The following ATP10B variants were observed in gnomAD, a reference collection of about 807,000 sequenced individuals.
ATP10B encodes the protein phospholipid-transporting ATPase VB.
In ATP10B, 122 loss-of-function variants were observed where a neutral mutation model predicts 141.2. The ratio of observed to expected loss-of-function variants is 0.86; its 90% CI spans 0.75 to 1.00. The LOEUF is 1.00. Ranked by LOEUF, ATP10B falls within the 50% of genes least tolerant of loss-of-function variation. The probability of loss-of-function intolerance (pLI) is 0.00; values close to 1 mark genes in which losing one functional copy is unlikely to be tolerated. For missense variants in ATP10B, 1,876 were observed against 1,825.3 expected (o/e 1.03, Z -0.51); for synonymous variants, 685 against 692.0 (o/e 0.99, Z 0.16).
intron 6 of ATP10B, among the ~76,000 whole-genome samples, chr5:160,681,414 C>T: frequency 6.6e-6 from 1 of 152,220 alleles, no homozygotes; most frequent in East Asian, 1.9e-4. Context: ...GCCTAGACTA[C>T]AGGCCTCTGC....
the ATP10B span, among the ~76,000 whole-genome samples, chr5:160,915,734 T>C: frequency 1.3e-5 from 2 of 152,190 alleles, no homozygotes; most frequent in African/African-American, 4.8e-5. Flanking sequence ...TGATGTTCTC[T>C]GGAGCTGTAG....
At position 160,696,804 on chromosome 5, in the gene ATP10B, C is replaced by T. The variant is rs553523238; in HGVS notation, c.-204-7861G>A. Among the ~76,000 whole-genome samples the T allele has an allele frequency of 3.9e-5, 6 of 152,352 alleles. No homozygotes were observed. The East Asian group carries it at 5.8e-4, about 15-fold the overall frequency. The stretch of plus-strand genomic sequence containing the variant: ...TCAGTGAGCCAGATTCCTATCCATG[C>T]ACCCAAGCATTGTAGTAGATCAAGG... On this transcript the variant is annotated intron_variant, in intron 3 of 25. Coordinates refer to ENST00000327245, the MANE Select transcript of ATP10B (RefSeq NM_025153.3).
At chr5:160,817,142 G>T (rs1171911472) in intron 1 of ATP10B, among the ~76,000 whole-genome samples, 1 of 152,178 alleles carries the variant, frequency 6.6e-6, no homozygotes, top group Non-Finnish European at 1.5e-5. Flanking sequence ...AATGTTGGAA[G>T]TTCTGGCCAG....
chr5:160,786,230 A>G (rs940092287), intron 1 of ATP10B, among the ~76,000 whole-genome samples: 1 of 152,170 alleles, frequency 6.6e-6, no homozygotes, highest in African/African-American at 2.4e-5. Context: ...TGCAATGATG[A>G]AGATGGAGAC....
intron 3 of ATP10B, among the ~76,000 whole-genome samples, chr5:160,693,773 C>T (rs147736102): frequency 5.9e-5 from 9 of 152,340 alleles, no homozygotes; most frequent in Middle Eastern, 3.4e-3. Context: ...CTAGATCCCT[C>T]GCATGCACAA....
chr5:160,593,796 G>C (rs1226661815), intron 22 of ATP10B, among the ~76,000 whole-genome samples: 3 of 152,050 alleles, frequency 2.0e-5, no homozygotes, highest in African/African-American at 7.2e-5. Context: ...TGATCAACTT[G>C]AAATGAATGA....
intron 7 of ATP10B, among the ~76,000 whole-genome samples, chr5:160,658,636 C>T (rs370900882): frequency 5.3e-5 from 8 of 152,172 alleles, no homozygotes; most frequent in South Asian, 2.1e-4. Context: ...CCAGGCAGTA[C>T]GTTTCCCCAG....
chr5:160,861,039 C>A, the ATP10B span, among the ~76,000 whole-genome samples: 1 of 151,890 alleles, frequency 6.6e-6, no homozygotes, highest in Non-Finnish European at 1.5e-5. Context: ...TATTTTCATA[C>A]TTCTTTACTT....
intron 1 of ATP10B, among the ~76,000 whole-genome samples, chr5:160,814,951 C>A (rs961944785): frequency 6.6e-6 from 1 of 152,036 alleles, no homozygotes; most frequent in Non-Finnish European, 1.5e-5. Context: ...ATTTTGTCAC[C>A]GCCAGGCCTG....
At chr5:160,707,482 T>C (rs561620374) in intron 3 of ATP10B, among the ~76,000 whole-genome samples, 46 of 152,348 alleles carry the variant, frequency 3.0e-4, no homozygotes, top group Non-Finnish European at 5.9e-4. Context: ...ATAAAACTCA[T>C]TAAATTGCAA....
intron 2 of ATP10B, among the ~76,000 whole-genome samples, chr5:160,732,655 A>G (rs891460820): frequency 6.6e-6 from 1 of 152,168 alleles, no homozygotes; most frequent in African/African-American, 2.4e-5. Context: ...CCATTGGTCT[A>G]TGTGGCTGTT....
chr5:160,600,722 C>T (rs1182863990), intron 21 of ATP10B, among the ~76,000 whole-genome samples: 1 of 152,172 alleles, frequency 6.6e-6, no homozygotes, highest in Non-Finnish European at 1.5e-5. Context: ...GTGCATTGAA[C>T]CCCATGGCAG....
At chr5:160,637,041 A>AATCCATCCATCCATCCATCC (rs201357056) in intron 10 of ATP10B, among the ~76,000 whole-genome samples, 562 of 55,812 alleles carry the variant, frequency 0.01, 25 homozygotes, top group African/African-American at 0.036. Context: ...TCCATCCATG[A>AATCCATCCATCCATCCATCC]ATCCATCCAT....
the ATP10B span, among the ~76,000 whole-genome samples, chr5:160,925,518 T>C: frequency 6.6e-6 from 1 of 152,240 alleles, no homozygotes; most frequent in Non-Finnish European, 1.5e-5. Context: ...TCCAACCCCT[T>C]AGTCACTGTG....
the ATP10B span, among the ~76,000 whole-genome samples, chr5:160,907,941 C>T: frequency 6.0e-4 from 91 of 152,262 alleles, no homozygotes; most frequent in Non-Finnish European, 8.8e-4. Flanking sequence ...TCATACTCTG[C>T]GCCTCAGTGA....
At chr5:160,773,206 G>T (rs1450462955) in intron 2 of ATP10B, among the ~76,000 whole-genome samples, 1 of 152,194 alleles carries the variant, frequency 6.6e-6, no homozygotes, top group African/African-American at 2.4e-5. Flanking sequence ...GTTTTGAAAA[G>T]TAGAGAAGCC....
chr5:160,760,439 T>G, intron 2 of ATP10B, among the ~76,000 whole-genome samples: 1 of 152,252 alleles, frequency 6.6e-6, no homozygotes, highest in Non-Finnish European at 1.5e-5. Flanking sequence ...AAGGGATTTC[T>G]GCTTTCTAAA....
chr5:160,788,781 A>G (rs375402074), intron 1 of ATP10B, among the ~76,000 whole-genome samples: 2 of 152,152 alleles, frequency 1.3e-5, no homozygotes, highest in East Asian at 3.9e-4. Context: ...GTGCCTAAGG[A>G]TAAATAAATC....
chr5:160,703,598 T>G (rs546688033), intron 3 of ATP10B, among the ~76,000 whole-genome samples: 54 of 152,080 alleles, frequency 3.6e-4, no homozygotes, highest in Admixed American at 2.0e-3. Context: ...TGCCTCAGCC[T>G]TCTGGGTAGC....
Sources: gnomAD v4.1 joint callset for allele counts (sites outside exome capture counted in the v4.1 genomes callset) on GRCh38, gnomAD v4.1.1 for gene constraint, MANE v1.5 for transcripts, NCBI Gene and HGNC (gene_info 2026-07-23, HGNC 2026-07-21) for gene names.